The following TMPRSS15 variants were observed in gnomAD, a reference collection of about 807,000 sequenced individuals.
The protein encoded by TMPRSS15 is enteropeptidase.
In TMPRSS15, 128 loss-of-function variants were observed where a neutral mutation model predicts 125.3. The observed-to-expected ratio is 1.02, with a 90% confidence interval of 0.89 to 1.18. The LOEUF is 1.18. Among genes scored for constraint, TMPRSS15 ranks in the 50% most tolerant of loss-of-function variants. The pLI, the probability that TMPRSS15 is intolerant of heterozygous loss-of-function variation, is 0.00. For missense variants in TMPRSS15, 1,283 were observed against 1,212.7 expected, an observed-to-expected ratio of 1.06 and a Z score of -0.86; for synonymous variants, 446 against 423.2, an observed-to-expected ratio of 1.05 and a Z score of -0.66.
intron 1 of TMPRSS15, among the ~76,000 whole-genome samples, chr21:18,415,534 T>G (rs766057409): frequency 6.6e-6 from 1 of 152,130 alleles, no homozygotes; most frequent in Non-Finnish European, 1.5e-5. Context: ...TTGTGAGTGG[T>G]GTTAGGCAGA....
intron 5 of TMPRSS15, among the ~76,000 whole-genome samples, chr21:18,374,887 A>G (rs2075828250): frequency 6.6e-6 from 1 of 152,214 alleles, no homozygotes; most frequent in African/African-American, 2.4e-5. Flanking sequence ...TTGCTTCTGA[A>G]CAAGATTAGT....
intron 1 of TMPRSS15, among the ~76,000 whole-genome samples, chr21:18,454,497 G>T (rs1978402703): frequency 6.6e-6 from 1 of 152,112 alleles, no homozygotes; most frequent in Admixed American, 6.6e-5. Context: ...TGATATGCCA[G>T]TGAGCAAACT....
At chr21:18,337,126 T>C (rs77270312) in intron 13 of TMPRSS15, among the ~76,000 whole-genome samples, 16,907 of 152,230 alleles carry the variant, frequency 0.11, 1,166 homozygotes, top group Middle Eastern at 0.18. Flanking sequence ...ATTATTGGCC[T>C]CAAGTGACCT....
At chr21:18,336,883 C>T (rs895779221) in intron 13 of TMPRSS15, among the ~76,000 whole-genome samples, 2 of 27,072 alleles carry the variant, frequency 7.4e-5, no homozygotes, top group African/African-American at 1.8e-4. Context: ...AATAGAACAA[C>T]CCAAAACACA....
intron 24 of TMPRSS15, among the ~76,000 whole-genome samples, chr21:18,274,218 T>C (rs1234793113): frequency 6.6e-6 from 1 of 152,230 alleles, no homozygotes; most frequent in Non-Finnish European, 1.5e-5. Context: ...AATTGCTCGA[T>C]GCCTTACATG....
intron 18 of TMPRSS15, among the ~76,000 whole-genome samples, chr21:18,306,378 T>G (rs1400689551): frequency 6.6e-6 from 1 of 152,222 alleles, no homozygotes; most frequent in African/African-American, 2.4e-5. Context: ...ATGATTATGC[T>G]CTATGTTTTT....
chr21:18,358,070 T>C (rs1459424568), intron 8 of TMPRSS15, among the ~76,000 whole-genome samples: 3 of 151,790 alleles, frequency 2.0e-5, no homozygotes, highest in Non-Finnish European at 4.4e-5. Context: ...TCTTATTATA[T>C]TTTTATGGCA....
chr21:18,327,710 C>CA (rs1264862323), intron 15 of TMPRSS15, among the ~76,000 whole-genome samples: 7 of 139,538 alleles, frequency 5.0e-5, no homozygotes, highest in Admixed American at 4.4e-4. Context: ...AAGTCCAAAG[C>CA]ACAGTTAGAT....
At chr21:18,320,962 T>C (rs2075227184) in intron 16 of TMPRSS15, among the ~76,000 whole-genome samples, 1 of 152,170 alleles carries the variant, frequency 6.6e-6, no homozygotes, top group South Asian at 2.1e-4. Context: ...TCCAGTAGCG[T>C]TGCCTCATTT....
intron 1 of TMPRSS15, among the ~76,000 whole-genome samples, chr21:18,411,725 T>C (rs2123170572): frequency 6.6e-6 from 1 of 152,292 alleles, no homozygotes; most frequent in East Asian, 1.9e-4. Context: ...ACTCCACATG[T>C]GGTTTTTTAC....
intron 7 of TMPRSS15, among the ~76,000 whole-genome samples, chr21:18,363,445 T>C (rs1012653287): frequency 6.6e-5 from 10 of 152,140 alleles, no homozygotes; most frequent in Non-Finnish European, 4.4e-5. Flanking sequence ...ATAAACCCTC[T>C]AAATGTGACC....
chr21:18,424,227 C>T (rs1414488925), intron 1 of TMPRSS15, among the ~76,000 whole-genome samples: 1 of 152,158 alleles, frequency 6.6e-6, no homozygotes, highest in African/African-American at 2.4e-5. Context: ...AAAATCATCA[C>T]CTCTGCTAAC....
intron 1 of TMPRSS15, among the ~76,000 whole-genome samples, chr21:18,433,741 G>A (rs980711609): frequency 1.3e-5 from 2 of 151,146 alleles, no homozygotes; most frequent in Non-Finnish European, 2.9e-5. Context: ...TTTGGTAAGG[G>A]CCGAGTATGT....
chr21:18,421,541 A>G (rs2076191945), intron 1 of TMPRSS15, among the ~76,000 whole-genome samples: 1 of 152,180 alleles, frequency 6.6e-6, no homozygotes, highest in African/African-American at 2.4e-5. Flanking sequence ...CTTAGGGTTC[A>G]TTAATGAAGT....
At chr21:18,335,836 C>T (rs2075386219) in intron 13 of TMPRSS15, among the ~76,000 whole-genome samples, 1 of 152,022 alleles carries the variant, frequency 6.6e-6, no homozygotes, top group Admixed American at 6.6e-5. Flanking sequence ...TTCCAAATAT[C>T]ACAGTCATGC....
At chr21:18,420,187 C>A (rs1377554095) in intron 1 of TMPRSS15, among the ~76,000 whole-genome samples, 2 of 152,148 alleles carry the variant, frequency 1.3e-5, no homozygotes, top group East Asian at 3.9e-4. Context: ...TATTGAATTC[C>A]TCCAATGCTA....
intron 3 of TMPRSS15, among the ~76,000 whole-genome samples, chr21:18,385,149 T>C (rs1457399784): frequency 6.6e-6 from 1 of 152,196 alleles, no homozygotes; most frequent in Non-Finnish European, 1.5e-5. Flanking sequence ...TGATAGAAGG[T>C]TTAACTTTCT....
chr21:18,483,853 T>C (rs1039996026), intron 1 of TMPRSS15, among the ~76,000 whole-genome samples: 2 of 151,862 alleles, frequency 1.3e-5, no homozygotes, highest in Non-Finnish European at 2.9e-5. Context: ...AGAGAGAATA[T>C]ACCAGCATCA....
chr21:18,453,800 T>C (rs1978385892), intron 1 of TMPRSS15, among the ~76,000 whole-genome samples: 1 of 152,174 alleles, frequency 6.6e-6, no homozygotes, highest in Non-Finnish European at 1.5e-5. Flanking sequence ...TATATGTGTA[T>C]AATATGAGTA....
Sources: allele counts gnomAD v4.1 joint callset (sites outside exome capture counted in the v4.1 genomes callset), GRCh38; gene constraint gnomAD v4.1.1; transcripts MANE v1.5; gene names NCBI Gene and HGNC (gene_info 2026-07-23, HGNC 2026-07-21).